TACR1: variants seen among roughly 807,000 people sequenced by gnomAD.
TACR1 encodes the protein tachykinin receptor 1, also known as substance-P receptor.
A neutral mutation model predicts 35.8 loss-of-function variants in TACR1; 25 were observed. The observed-to-expected ratio is 0.70, with a 90% CI of 0.51 to 0.98. TACR1 has a LOEUF of 0.98. Among genes scored for constraint, TACR1 ranks in the 50% least tolerant of loss-of-function variants. TACR1 has a pLI of 0.00. For missense variants in TACR1, 478 were observed against 522.9 expected, an observed-to-expected ratio of 0.91 and a Z score of 0.84; for synonymous variants, 195 against 206.7, an observed-to-expected ratio of 0.94 and a Z score of 0.48.
At chr2:75,067,880 G>C (rs960573718) in intron 2 of TACR1, among the ~76,000 whole-genome samples, 5 of 152,202 alleles carry the variant, frequency 3.3e-5, no homozygotes, top group African/African-American at 1.2e-4. Flanking sequence ...AGGCCATGCT[G>C]TCAGGAGCTG....
chr2:75,077,240 G>C (rs1054657679), intron 2 of TACR1, among the ~76,000 whole-genome samples: 1 of 152,170 alleles, frequency 6.6e-6, no homozygotes, highest in African/African-American at 2.4e-5. Flanking sequence ...AAAGTGCTGG[G>C]ATTACAGGCG....
At chr2:75,058,247 CTT>C (rs1356379075) in intron 2 of TACR1, among the ~76,000 whole-genome samples, 1 of 152,134 alleles carries the variant, frequency 6.6e-6, no homozygotes, top group Non-Finnish European at 1.5e-5. Context: ...ATCTTGATGT[CTT>C]TTTCAGAAAA....
intron 4 of TACR1, 33 bp from the exon 5 acceptor site, chr2:75,049,756 T>C (rs1194662409): frequency 6.3e-7 from 1 of 1,591,980 alleles, no homozygotes; most frequent in African/African-American, 1.3e-5. Flanking sequence ...GGTGACCCTT[T>C]GGGACGGCCT....
chr2:75,050,062 T>C (rs1389318489), intron 4 of TACR1, among the ~76,000 whole-genome samples: 19 of 152,362 alleles, frequency 1.2e-4, no homozygotes, highest in Non-Finnish European at 5.9e-5. Flanking sequence ...ACCAAGTGTT[T>C]ACTATGTGCA....
chr2:75,139,531 C>T (rs1225512996), intron 1 of TACR1, among the ~76,000 whole-genome samples: 1 of 152,230 alleles, frequency 6.6e-6, no homozygotes, highest in Non-Finnish European at 1.5e-5. Flanking sequence ...ACGGGCTTAG[C>T]TGTCCTTTCT....
At chr2:75,171,243 C>T (rs954727251) in intron 1 of TACR1, among the ~76,000 whole-genome samples, 2 of 152,214 alleles carry the variant, frequency 1.3e-5, no homozygotes, top group African/African-American at 4.8e-5. Context: ...ATAACTCAGG[C>T]CATTGCTTCA....
intron 2 of TACR1, among the ~76,000 whole-genome samples, chr2:75,104,487 G>T (rs939669645): frequency 1.3e-5 from 2 of 152,012 alleles, no homozygotes; most frequent in Non-Finnish European, 2.9e-5. Flanking sequence ...CATCTAGACA[G>T]AAAATTAGTA....
chr2:75,153,823 G>A (rs547592511), intron 1 of TACR1, among the ~76,000 whole-genome samples: 20 of 152,292 alleles, frequency 1.3e-4, no homozygotes, highest in South Asian at 8.3e-4. Context: ...AATTCCTCAC[G>A]TATCCTCTCT....
chr2:75,135,836 A>G (rs1674276337), intron 1 of TACR1, among the ~76,000 whole-genome samples: 1 of 152,134 alleles, frequency 6.6e-6, no homozygotes, highest in Non-Finnish European at 1.5e-5. Context: ...GCTTCCTTGC[A>G]GGGGGACCTT....
At position 75,182,221 on chromosome 2, in the gene TACR1, A is replaced by C. The variant is rs887406068; in HGVS notation, c.389+16325T>G. On this transcript the variant is annotated intron_variant, in intron 1 of 4. Coordinates refer to ENST00000305249, the MANE Select transcript of TACR1 (RefSeq NM_001058.4). ...CCTTGTGGCTGTTGCCTTTTTATTCAGGAAGAGACGCTCAACCTAGGGACT... is the reference window on the plus strand; with the variant it reads ...CCTTGTGGCTGTTGCCTTTTTATTCCGGAAGAGACGCTCAACCTAGGGACT... Among the ~76,000 whole-genome samples the C allele has an allele frequency of 1.1e-4, 17 of 152,204 alleles. 1 individual carries two copies. The highest frequency in any genetic ancestry group is 1.5e-5 in the Non-Finnish European group (1 of 68,036).
chr2:75,164,326 TAAA>T (rs35423094), intron 1 of TACR1, among the ~76,000 whole-genome samples: 1 of 138,096 alleles, frequency 7.2e-6, no homozygotes. Flanking sequence ...GACTCCATCT[TAAA>T]AAAAAAAAAA....
intron 2 of TACR1, among the ~76,000 whole-genome samples, chr2:75,069,517 T>C (rs1373722968): frequency 6.6e-6 from 1 of 152,132 alleles, no homozygotes; most frequent in Non-Finnish European, 1.5e-5. Context: ...TGAACTAATA[T>C]TGGCATAGTA....
chr2:75,130,049 C>T (rs1341419121), intron 1 of TACR1, among the ~76,000 whole-genome samples: 1 of 152,162 alleles, frequency 6.6e-6, no homozygotes, highest in Non-Finnish European at 1.5e-5. Context: ...TAAATCCCGT[C>T]TTTATTTAAA....
At chr2:75,064,927 G>A (rs1354188471) in intron 2 of TACR1, among the ~76,000 whole-genome samples, 1 of 152,180 alleles carries the variant, frequency 6.6e-6, no homozygotes, top group Non-Finnish European at 1.5e-5. Context: ...TGGAGAAGAG[G>A]ATGTGGTGGA....
chr2:75,057,113 C>T (rs992034286), intron 2 of TACR1, among the ~76,000 whole-genome samples: 4 of 152,224 alleles, frequency 2.6e-5, no homozygotes, highest in African/African-American at 9.6e-5. Context: ...CATCATATCC[C>T]CTGTGACCTG....
chr2:75,183,647 C>G (rs1358193660), intron 1 of TACR1, among the ~76,000 whole-genome samples: 2 of 152,150 alleles, frequency 1.3e-5, no homozygotes, highest in Non-Finnish European at 2.9e-5. Flanking sequence ...TAGTCCCTCC[C>G]CTGCTCTGTC....
At chr2:75,161,545 A>G (rs768343679) in intron 1 of TACR1, among the ~76,000 whole-genome samples, 2 of 152,156 alleles carry the variant, frequency 1.3e-5, no homozygotes, top group African/African-American at 2.4e-5. Flanking sequence ...AGTTATTTTT[A>G]ATGTAAACTA....
chr2:75,094,400 C>A (rs991155815), intron 2 of TACR1, among the ~76,000 whole-genome samples: 4 of 152,128 alleles, frequency 2.6e-5, no homozygotes, highest in African/African-American at 9.7e-5. Flanking sequence ...TTGTTTATCA[C>A]TAGGAGGGGT....
intron 1 of TACR1, among the ~76,000 whole-genome samples, chr2:75,145,060 A>T (rs951113705): frequency 6.6e-6 from 1 of 152,160 alleles, no homozygotes; most frequent in Non-Finnish European, 1.5e-5. Flanking sequence ...ATTTTAAGTT[A>T]AATGGATCCT....
Sources: allele counts gnomAD v4.1 joint callset (sites outside exome capture counted in the v4.1 genomes callset), GRCh38; gene constraint gnomAD v4.1.1; transcripts MANE v1.5; gene names NCBI Gene and HGNC (gene_info 2026-07-23, HGNC 2026-07-21).